LTN1: variants seen among roughly 807,000 people sequenced by gnomAD.
The protein encoded by LTN1 is E3 ubiquitin-protein ligase listerin.
In LTN1, 88 loss-of-function variants were observed where a neutral mutation model predicts 201.2. The ratio of observed to expected loss-of-function variants is 0.44; its 90% CI spans 0.37 to 0.52. The LOEUF is 0.52. LTN1 is among the 20% of genes least tolerant of loss of function. LTN1 has a pLI of 0.00. For missense variants in LTN1, 1,752 were observed against 2,038.7 expected, an observed-to-expected ratio of 0.86 and a Z score of 2.71; for synonymous variants, 645 against 713.5, an observed-to-expected ratio of 0.90 and a Z score of 1.53.
At chr21:28,973,878 T>C (rs2084595265) in intron 6 of LTN1, among the ~76,000 whole-genome samples, 2 of 152,198 alleles carry the variant, frequency 1.3e-5, no homozygotes, top group South Asian at 4.1e-4. Context: ...AAGTTGTACA[T>C]ATACGGTCAA....
rs1453278412 is a variant in LTN1, at chr21:28,936,659, C to T, written c.4521G>A (p.Lys1507=). 2.5e-6 allele frequency: 4 copies of T among 1,613,360 alleles called. No individual in the cohort carries two copies. The highest frequency in any genetic ancestry group is 3.4e-6 in the Non-Finnish European group (4 of 1,179,546). Residue 1507 remains lysine (K), a synonymous_variant, in exon 26 of 30, where the codon AAG becomes AAA. Coordinates refer to ENST00000361371, the MANE Select transcript of LTN1 (RefSeq NM_015565.3). The stretch of plus-strand genomic sequence containing the variant: ...GGTGATAGAGCAATTTATTCAAACT[C>T]TTTGTTTTCCGAAGATACATGGAAT... ...ALYSMYLRKT[K]SLNKLLYHLF...
chr21:28,943,775 T>C lies in LTN1; in HGVS notation c.4112A>G (p.Gln1371Arg), dbSNP rs2084315400. The C allele has an allele frequency of 6.2e-7, 1 of 1,613,850 alleles. No homozygotes were observed. The highest frequency in any genetic ancestry group is 1.7e-4 in the Middle Eastern group (1 of 6,056). Residue 1371 changes from glutamine (Q) to arginine (R), a missense_variant, in exon 23 of 30, where the codon CAA (glutamine) becomes CGA (arginine). Physicochemically the swap from Gln to Arg is conservative, Grantham distance 43 (BLOSUM62 1). Around this residue, in one of 3 missense-constraint regions of LTN1, gnomAD observed 1,211 missense variants for 1,312.8 expected, o/e 0.92. Transcript: ENST00000361371. ...HKLPARLVADQKTNLPEYLQT... is the reference protein window; with the variant it reads ...HKLPARLVADRKTNLPEYLQT... ...GAGATATTCTGGTAAGTTTGTTTTT[T>C]GGTCAGCAACTAATCTTGCAGGAAG...
At chr21:28,962,580 T>C (rs2084488161) in intron 11 of LTN1, among the ~76,000 whole-genome samples, 1 of 152,180 alleles carries the variant, frequency 6.6e-6, no homozygotes, top group Non-Finnish European at 1.5e-5. Flanking sequence ...TAATCTCTCT[T>C]CTCTGTCCTT....
intron 6 of LTN1, among the ~76,000 whole-genome samples, chr21:28,978,045 T>C (rs561874429): frequency 2.0e-5 from 3 of 152,236 alleles, no homozygotes; most frequent in African/African-American, 7.2e-5. Flanking sequence ...ATGATTTTTT[T>C]TTTTAATAGG....
rs1017382581 is a variant in LTN1 at position 28,931,430 on chromosome 21, T to C, written c.5071-108A>G. ...GAATTACAATTCTGAAAGAAGAGAA[T>C]CTGCTTGGCTATGTTCATGTCTCCC... On this transcript the variant is annotated intron_variant, in intron 28 of 29. Transcript: ENST00000361371. 1.6e-4 allele frequency: 106 copies of C among 682,852 alleles called. 1 individual carries two copies. Among genetic ancestry groups the C allele is most frequent in the South Asian group, 5.7e-4 (26 of 45,726 alleles). 42.3% of individuals were successfully genotyped at this position (682,852 alleles called of 1,614,324 possible).
At position 28,952,365 on chromosome 21, in the gene LTN1, G is replaced by C. The variant is rs2084389967; in HGVS notation, c.3240-101C>G. The C allele has an allele frequency of 2.3e-5, 15 of 649,662 alleles. No individual in the cohort carries two copies. In the South Asian group the frequency reaches 3.6e-4, roughly 15 times the overall value. The allele number at this position is 649,662 out of a possible 1,614,324, so 40.2% of individuals were successfully genotyped here. The stretch of plus-strand genomic sequence containing the variant: ...GATTCCTTTTACAGAATTAAATAAA[G>C]CACCTTGTGATGGCATCAATTCACC... On this transcript the variant is annotated intron_variant, in intron 17 of 29. Transcript: ENST00000361371.
At chr21:28,939,531 C>T (rs545932685) in intron 25 of LTN1, among the ~76,000 whole-genome samples, 2 of 152,076 alleles carry the variant, frequency 1.3e-5, no homozygotes, top group South Asian at 2.1e-4. Context: ...TAAAGTTTTC[C>T]GAAGAAAAAT....
chr21:28,947,347 G>T, intron 19 of LTN1, 117 bp downstream of exon 19: 1 of 822,602 alleles, frequency 1.2e-6, no homozygotes, highest in Non-Finnish European at 1.8e-6. Context: ...TATAATCTCA[G>T]AACAAATCAG....
chr21:28,945,694 A>T, intron 21 of LTN1, 113 bp downstream of exon 21: 1 of 956,364 alleles, frequency 1.0e-6, no homozygotes, highest in Non-Finnish European at 1.5e-6. Flanking sequence ...GTTTTAAATT[A>T]TACAAAGGAA....
At position 28,941,331 on chromosome 21, in the gene LTN1, AG is replaced by A. The variant is rs1345300663; in HGVS notation, c.4370del (p.Pro1457LeufsTer5). The A allele has an allele frequency of 6.2e-7, 1 of 1,613,524 alleles. No homozygotes were observed. The highest frequency in any genetic ancestry group is 8.5e-7 in the Non-Finnish European group (1 of 1,179,616). On this transcript the variant is annotated frameshift_variant, in exon 25 of 30. Coordinates refer to ENST00000361371, the MANE Select transcript of LTN1 (RefSeq NM_015565.3). LOFTEE classifies it high-confidence loss of function. ...GTTTAATAGTAACTATCTGTCCAAC[AG>A]GAATACACCCCAAAACATTTTCTAG... ...DLLENVLGCI[P>X]VGQIVTIKPL...
chr21:28,958,530 A>T lies in LTN1; in HGVS notation c.2603T>A (p.Ile868Asn). The change falls in exon 14 of 30, where the codon ATC (isoleucine) becomes AAC (asparagine). Residue 868 changes from isoleucine to asparagine, a missense_variant. This residue lies in a region of LTN1 where 1,211 missense variants were observed against 1,312.8 expected (regional missense o/e 0.92). Transcript: ENST00000361371. ...GAGCCAAGTATTTTTCAGTTTACAG[A>T]TAAGAAAATCTAAAATCAAGATGTC... Reference protein sequence around the residue: ...KEKTHLPDFLICKLKNTWLSG... With the variant: ...KEKTHLPDFLNCKLKNTWLSG... The T allele has an allele frequency of 6.3e-7, 1 of 1,594,278 alleles. No homozygotes were observed. Among genetic ancestry groups the T allele is most frequent in the Non-Finnish European group, 8.5e-7 (1 of 1,173,390 alleles).
In LTN1 at chr21:28,928,955, G is replaced by C. The variant is rs2084190030; in HGVS notation, c.*1493C>G. 6.6e-6 allele frequency: 1 copy of C among 152,470 alleles called. No homozygotes were observed. The highest frequency in any genetic ancestry group is 2.4e-5 in the African/African-American group (1 of 41,406). 9.4% of individuals were successfully genotyped at this position (152,470 alleles called of 1,614,324 possible). On this transcript the variant is annotated 3_prime_UTR_variant, in exon 30 of 30. Coordinates refer to ENST00000361371, the MANE Select transcript of LTN1 (RefSeq NM_015565.3). ...AAGATAGAGAATATTTTAAGAAAAG[G>C]GTTAACGAGGTAGTAAAATTTTGCT...
rs182965121 is a variant in LTN1, at chr21:28,990,667, C to G, written c.42+2097G>C. ...GGGGACAAACAGGTGCGAAGTGCCC[C>G]TGGTGTGTGATGCACTGAGAAAGAC... On this transcript the variant is annotated intron_variant, in intron 1 of 29. Coordinates refer to ENST00000361371, the MANE Select transcript of LTN1 (RefSeq NM_015565.3). Among the ~76,000 whole-genome samples, 3 of 152,278 alleles carry G rather than the reference C, an allele frequency of 2.0e-5. No homozygotes were observed. The East Asian group carries it at 5.8e-4, about 29-fold the overall frequency.
At chr21:28,973,496 T>G (rs1019659633) in intron 6 of LTN1, among the ~76,000 whole-genome samples, 1 of 152,016 alleles carries the variant, frequency 6.6e-6, no homozygotes, top group African/African-American at 2.4e-5. Flanking sequence ...CCACAAAATA[T>G]TTTATGTATA....
At chr21:28,945,373 T>C (rs1362302406) in intron 21 of LTN1, among the ~76,000 whole-genome samples, 1 of 152,190 alleles carries the variant, frequency 6.6e-6, no homozygotes, top group African/African-American at 2.4e-5. Context: ...CCACAAGTAA[T>C]ATACCTCTGG....
chr21:28,983,142 T>C (rs1276860258), intron 4 of LTN1, among the ~76,000 whole-genome samples: 1 of 152,180 alleles, frequency 6.6e-6, no homozygotes, highest in East Asian at 1.9e-4. Flanking sequence ...TCCTCTCTAA[T>C]ACATGGGTTT....
intron 11 of LTN1, 58 bp from the exon 12 acceptor site, chr21:28,960,764 A>G (rs2084471009): frequency 8.6e-7 from 1 of 1,168,736 alleles, no homozygotes; most frequent in Non-Finnish European, 1.3e-6. Flanking sequence ...CTCTCTGTCC[A>G]AAATATTACT....
chr21:28,946,110 A>C, intron 20 of LTN1, 42 bp downstream of exon 20: 1 of 1,535,836 alleles, frequency 6.5e-7, no homozygotes, highest in Non-Finnish European at 8.8e-7. Context: ...CTTTGTCTGA[A>C]TTGTATACTG....
intron 21 of LTN1, 62 bp from the exon 22 acceptor site, chr21:28,944,658 C>A: frequency 3.4e-6 from 4 of 1,175,098 alleles, no homozygotes; most frequent in South Asian, 1.4e-5. Context: ...ACAAATAAAG[C>A]CAATATAAAG....
Sources: gnomAD v4.1 joint callset for allele counts (sites outside exome capture counted in the v4.1 genomes callset) on GRCh38, gnomAD v4.1.1 for gene constraint, gnomAD v4.1.1 regional missense constraint, MANE v1.5 for transcripts, NCBI Gene and HGNC (gene_info 2026-07-23, HGNC 2026-07-21) for gene names.